Variants in DEK observed in about 807,000 individuals in gnomAD.
DEK encodes protein DEK.
Under a neutral mutation model 46.8 loss-of-function variants are expected in DEK, and 28 were observed. That is an observed-to-expected ratio of 0.60 (90% confidence interval 0.44 to 0.82). The LOEUF (loss-of-function observed/expected upper bound fraction) is 0.82. Among genes scored for constraint, DEK ranks in the 40% least tolerant of loss-of-function variants. The probability of loss-of-function intolerance (pLI) is 0.00; values close to 1 mark genes in which losing one functional copy is unlikely to be tolerated. For synonymous variants in DEK, 160 were observed against 144.5 expected, an observed-to-expected ratio of 1.11 and a Z score of -0.77; for missense variants, 416 against 430.6, an observed-to-expected ratio of 0.97 and a Z score of 0.30.
At chr6:18,257,621 C>T (rs757187018) in intron 4 of DEK, among the ~76,000 whole-genome samples, 1 of 151,660 alleles carries the variant, frequency 6.6e-6, no homozygotes, top group Non-Finnish European at 1.5e-5. Flanking sequence ...GAGGCTTAAG[C>T]GGGAGGAACA....
At chr6:18,244,541 G>T in intron 7 of DEK, 1 of 1,289,070 alleles carries the variant, frequency 7.8e-7, no homozygotes, top group African/African-American at 1.5e-5. Context: ...TCTTGAAGGA[G>T]GGTCTCCAAA....
chr6:18,237,387 TGGAAC>T lies in DEK; in HGVS notation c.887_891del (p.Ser296LysfsTer5), dbSNP rs1326898126. The T allele has an allele frequency of 1.3e-6, 2 of 1,590,592 alleles. No individual in the cohort carries two copies. Among genetic ancestry groups the T allele is most frequent in the South Asian group, 2.3e-5 (2 of 87,412 alleles). On this transcript the variant is annotated frameshift_variant, in exon 8 of 11. Transcript: ENST00000652689. LOFTEE classifies it high-confidence loss of function. Reference sequence around the variant, plus strand: ...AATGTTATTTCTAACATACCTTTTTTGGAACTGTTTTGATTCTTCTTGGTGGTGCT... The same window carrying T: ...AATGTTATTTCTAACATACCTTTTTTTGTTTTGATTCTTCTTGGTGGTGCT...
rs542161056 is a variant in DEK at position 18,224,535 on chromosome 6, CATCTAGA to C, written c.*1177_*1183del. On this transcript the variant is annotated 3_prime_UTR_variant, in exon 11 of 11. Transcript: ENST00000652689. ...TTCAGGAGTGGTCCATTATGTTGAT[CATCTAGA>C]ATCAACACTGATTAACCAAACTCTG... 2.9e-4 allele frequency: 59 copies of C among 201,132 alleles called. No homozygotes were observed. Among genetic ancestry groups the C allele is most frequent in the Non-Finnish European group, 4.9e-4 (48 of 97,810 alleles). 12.5% of individuals were successfully genotyped at this position (201,132 alleles called of 1,614,324 possible).
In DEK at chr6:18,237,424, T is replaced by A. The variant is rs1202769362; in HGVS notation, c.855A>T (p.Ala285=). The A allele has an allele frequency of 3.1e-6, 5 of 1,609,850 alleles. No homozygotes were observed. Among genetic ancestry groups the A allele is most frequent in the Non-Finnish European group, 4.2e-6 (5 of 1,179,180 alleles). Residue 285 remains alanine, a synonymous_variant, in exon 8 of 11, where the codon GCA becomes GCT. Coordinates refer to ENST00000652689, the MANE Select transcript of DEK (RefSeq NM_003472.4). Reference sequence around the variant, plus strand: ...GATTCTTCTTGGTGGTGCTGCTATCTGCTTTCTTAACATTGGCACTTTTCA... The same window carrying A: ...GATTCTTCTTGGTGGTGCTGCTATCAGCTTTCTTAACATTGGCACTTTTCA... ...KSVKSANVKK[A]DSSTTKKNQN...
intron 2 of DEK, among the ~76,000 whole-genome samples, chr6:18,258,747 C>T (rs1791712692): frequency 6.6e-6 from 1 of 152,130 alleles, no homozygotes; most frequent in Non-Finnish European, 1.5e-5. Context: ...AATCTTTGGA[C>T]ATAATTCTAT....
Position 18,224,250 on chromosome 6 carries a change from G to A in DEK, c.*1469C>T. 1 of 180,512 alleles carries A rather than the reference G, an allele frequency of 5.5e-6. No homozygotes were observed. Among genetic ancestry groups the A allele is most frequent in the Non-Finnish European group, 1.2e-5 (1 of 84,404 alleles). The allele number at this position is 180,512 out of a possible 1,614,324, so 11.2% of individuals were successfully genotyped here. On this transcript the variant is annotated 3_prime_UTR_variant, in exon 11 of 11. Coordinates refer to ENST00000652689, the MANE Select transcript of DEK (RefSeq NM_003472.4). Reference sequence around the variant, plus strand: ...TTTAAAATCGAAGGCCAATTATTAGGTCTCATTTAGTTGCTTATTTTGTTC... The same window carrying A: ...TTTAAAATCGAAGGCCAATTATTAGATCTCATTTAGTTGCTTATTTTGTTC...
rs1198393810 is a variant in DEK, at chr6:18,264,135, G to A, written c.-9-139C>T. ...CTCCTCCCATAGCCGGGACCGCAGC[G>A]CTCAGTCCCCAGGGGCGGCTTCCCT... On this transcript the variant is annotated intron_variant, in intron 1 of 10. Coordinates refer to ENST00000652689, the MANE Select transcript of DEK (RefSeq NM_003472.4). The A allele has an allele frequency of 1.8e-5, 13 of 726,568 alleles. 1 individual carries two copies. The highest frequency in any genetic ancestry group is 1.3e-4 in the African/African-American group (7 of 53,528). The allele number at this position is 726,568 out of a possible 1,614,324, so 45.0% of individuals were successfully genotyped here.
chr6:18,242,035 A>G (rs1339722435), intron 7 of DEK, among the ~76,000 whole-genome samples: 1 of 152,236 alleles, frequency 6.6e-6, no homozygotes, highest in Non-Finnish European at 1.5e-5. Flanking sequence ...TTAAAATCAA[A>G]TTTTGATCTA....
At chr6:18,264,300 A>G in intron 1 of DEK, 85 bp downstream of exon 1, 2 of 172,572 alleles carry the variant, frequency 1.2e-5, no homozygotes, top group Non-Finnish European at 1.2e-5. Context: ...CCCCCGCCCC[A>G]GGCCGCCGTC....
intron 7 of DEK, among the ~76,000 whole-genome samples, chr6:18,241,414 C>A (rs915886017): frequency 3.9e-5 from 6 of 152,188 alleles, no homozygotes; most frequent in Non-Finnish European, 5.9e-5. Context: ...AAACCCCACT[C>A]ATGATTCTAA....
chr6:18,228,765 C>G lies in DEK; in HGVS notation c.1048-2523G>C, dbSNP rs546469668. Among the ~76,000 whole-genome samples, 287 of 152,354 alleles carry G rather than the reference C, an allele frequency of 1.9e-3. 1 individual carries two copies. Among genetic ancestry groups the G allele is most frequent in the African/African-American group, 6.4e-3 (267 of 41,584 alleles). On this transcript the variant is annotated intron_variant, in intron 9 of 10. Transcript: ENST00000652689. Reference sequence around the variant, plus strand: ...TCGGAGAGTCCCACGCCCACGGAGCCTCGCTCATTGCTAGCACGGCAGTGT... The same window carrying G: ...TCGGAGAGTCCCACGCCCACGGAGCGTCGCTCATTGCTAGCACGGCAGTGT...
At chr6:18,244,527 G>C in intron 7 of DEK, 1 of 1,288,948 alleles carries the variant, frequency 7.8e-7, no homozygotes, top group South Asian at 1.2e-5. Context: ...ATAGGCAGCA[G>C]GGCTCTTGAA....
chr6:18,244,320 G>A (rs1582274590), intron 7 of DEK, among the ~76,000 whole-genome samples: 1 of 152,164 alleles, frequency 6.6e-6, no homozygotes, highest in African/African-American at 2.4e-5. Flanking sequence ...AAAATGAACA[G>A]CTGCCATTAA....
intron 9 of DEK, among the ~76,000 whole-genome samples, chr6:18,227,158 T>A (rs1158763450): frequency 2.0e-5 from 3 of 151,916 alleles, no homozygotes; most frequent in Non-Finnish European, 4.4e-5. Flanking sequence ...CCGACACCCT[T>A]AAAGGGTCTG....
At chr6:18,238,653 T>C (rs909785171) in intron 7 of DEK, among the ~76,000 whole-genome samples, 1 of 143,526 alleles carries the variant, frequency 7.0e-6, no homozygotes, top group Non-Finnish European at 1.5e-5. Context: ...GTGGAGATCA[T>C]GACACTGCAC....
chr6:18,228,995 C>A (rs1398424721), intron 9 of DEK, among the ~76,000 whole-genome samples: 1 of 152,214 alleles, frequency 6.6e-6, no homozygotes, highest in East Asian at 1.9e-4. Flanking sequence ...CTGGGAGACA[C>A]CTCCCAGTAG....
Position 18,263,847 on chromosome 6 carries a change from T to TTCCTCC in DEK, c.135_140dup (p.Glu46_Glu47dup), listed in dbSNP as rs539995106. 2.7e-5 allele frequency: 43 copies of TTCCTCC among 1,611,536 alleles called. No individual in the cohort carries two copies. Among genetic ancestry groups the TTCCTCC allele is most frequent in the East Asian group, 4.5e-5 (2 of 44,648 alleles). On this transcript the variant is annotated inframe_insertion, in exon 2 of 11. Coordinates refer to ENST00000652689, the MANE Select transcript of DEK (RefSeq NM_003472.4). Reference sequence around the variant, plus strand: ...TTGGGATGCGACTCCCCCCACCTTTTTCCTCCTCCTCCTCCTCCTCGTCGT... The same window carrying TTCCTCC: ...TTGGGATGCGACTCCCCCCACCTTTTTCCTCCTCCTCCTCCTCCTCCTCCTCGTCGT...
chr6:18,254,746 A>ATACTTGTAT (rs1402903768), intron 6 of DEK, among the ~76,000 whole-genome samples: 1 of 152,248 alleles, frequency 6.6e-6, no homozygotes, highest in African/African-American at 2.4e-5. Context: ...AATCCTTAAA[A>ATACTTGTAT]AGTACAAGTA....
intron 2 of DEK, among the ~76,000 whole-genome samples, chr6:18,262,308 A>AG (rs1791913220): frequency 6.6e-6 from 1 of 151,774 alleles, no homozygotes; most frequent in Admixed American, 6.6e-5. Context: ...AAAAAAAAAA[A>AG]GCCTAATACA....
Sources: allele counts gnomAD v4.1 joint callset (sites outside exome capture counted in the v4.1 genomes callset), GRCh38; gene constraint gnomAD v4.1.1; transcripts MANE v1.5; gene names NCBI Gene and HGNC (gene_info 2026-07-23, HGNC 2026-07-21).